The following TRMT44 variants were observed in gnomAD, a reference collection of about 807,000 sequenced individuals.
TRMT44 encodes probable tRNA (uracil-O(2)-)-methyltransferase.
In TRMT44, 78 loss-of-function variants were observed where a neutral mutation model predicts 77.3. That is an observed-to-expected ratio of 1.01 (90% confidence interval 0.84 to 1.22). The LOEUF is 1.22. Ranked by LOEUF, TRMT44 falls within the 50% of genes most tolerant of loss-of-function variation. The pLI is 0.00. For missense variants in TRMT44, 1,090 were observed against 964.4 expected, an observed-to-expected ratio of 1.13 and a Z score of -1.73; for synonymous variants, 391 against 383.3, an observed-to-expected ratio of 1.02 and a Z score of -0.23.
At chr4:8,475,587 C>T (rs1456165117) in intron 10 of TRMT44, among the ~76,000 whole-genome samples, 185 bp from the exon 11 acceptor site, 1 of 152,218 alleles carries the variant, frequency 6.6e-6, no homozygotes, top group East Asian at 1.9e-4. Flanking sequence ...AAGACACATC[C>T]CATACCTCAG....
chr4:8,479,405 C>T (rs1189676825), downstream of TRMT44: 1 of 151,978 alleles, frequency 6.6e-6, no homozygotes, highest in Non-Finnish European at 1.5e-5. Flanking sequence ...GAGTGTGCCC[C>T]GCGCTCATGG....
At chr4:8,514,371 T>C in the TRMT44 span, among the ~76,000 whole-genome samples, 1 of 151,228 alleles carries the variant, frequency 6.6e-6, no homozygotes, top group African/African-American at 2.4e-5. Context: ...AGTGGTGCGA[T>C]CTTGGCTCAC....
At chr4:8,498,185 C>A (rs1728204543), downstream of TRMT44, among the ~76,000 whole-genome samples, 1 of 152,118 alleles carries the variant, frequency 6.6e-6, no homozygotes, top group African/African-American at 2.4e-5. The surrounding 1 kb of genome is among the most constrained non-coding windows in gnomAD (Gnocchi z 4.3). Flanking sequence ...GAACTCCATC[C>A]CCTGACTCCT....
intron 3 of TRMT44, 64 bp downstream of exon 3, chr4:8,449,952 T>TTTTTTTC: frequency 4.5e-6 from 2 of 445,992 alleles, no homozygotes; most frequent in South Asian, 4.5e-5. Context: ...TTCTTTTCTT[T>TTTTTTTC]TTTTTTTTTT....
chr4:8,447,991 A>G (rs1725171801), intron 2 of TRMT44, among the ~76,000 whole-genome samples: 1 of 151,996 alleles, frequency 6.6e-6, no homozygotes, highest in Non-Finnish European at 1.5e-5. Context: ...GCTCTTTGAC[A>G]AGCTACTGAG....
intron 5 of TRMT44, chr4:8,454,295 A>G (rs1053201838): frequency 1.8e-5 from 3 of 167,720 alleles, no homozygotes; most frequent in African/African-American, 7.2e-5. Flanking sequence ...CCATTAGCGC[A>G]GTACACCTTC....
the TRMT44 span, among the ~76,000 whole-genome samples, chr4:8,498,593 T>G: frequency 6.6e-6 from 1 of 152,170 alleles, no homozygotes; most frequent in Non-Finnish European, 1.5e-5. This position sits in a 1 kb window ranked among gnomAD's most constrained non-coding sequence, Gnocchi z 4.3. Flanking sequence ...GGATGATGCC[T>G]CCTGCTGTTT....
intron 2 of TRMT44, among the ~76,000 whole-genome samples, chr4:8,487,968 C>T (rs556633441): frequency 1.7e-4 from 26 of 152,218 alleles, no homozygotes; most frequent in East Asian, 1.4e-3. Context: ...ACGGATAAAA[C>T]GTGTCTCCTT....
At chr4:8,511,179 G>T in the TRMT44 span, among the ~76,000 whole-genome samples, 1 of 152,216 alleles carries the variant, frequency 6.6e-6, no homozygotes, top group Non-Finnish European at 1.5e-5. Flanking sequence ...GCAGATGCCC[G>T]GAGTGCCGTG....
chr4:8,481,472 T>C (rs1727610668), downstream of TRMT44, among the ~76,000 whole-genome samples: 2 of 152,192 alleles, frequency 1.3e-5, no homozygotes, highest in African/African-American at 4.8e-5. Context: ...ACAAATACTT[T>C]ACAGGGATCT....
chr4:8,442,102 G>A (rs1048558968), intron 1 of TRMT44, among the ~76,000 whole-genome samples: 4 of 152,240 alleles, frequency 2.6e-5, no homozygotes, highest in African/African-American at 9.6e-5. Context: ...ATTCAAAGGA[G>A]TGTCTTTCTC....
rs1027326258 is a variant in TRMT44 at position 8,451,993 on chromosome 4, G to C, written c.988G>C (p.Val330Leu). Residue 330 changes from valine to leucine, a missense_variant, in exon 4 of 11, where the codon GTG (valine) becomes CTG (leucine). Val to Leu is a conservative substitution (Grantham distance 32). Coordinates refer to ENST00000389737, the MANE Select transcript of TRMT44 (RefSeq NM_152544.3). This position sits in a 1 kb window ranked among gnomAD's most constrained non-coding sequence, Gnocchi z 4.1. ...WPEVTDPEKF[V>L]YEDVAIAAYL... Reference sequence around the variant, plus strand: ...TGAAGTCACTGATCCTGAGAAGTTCGTGTATGAAGATGTGGCTATCGCAGC... The same window carrying C: ...TGAAGTCACTGATCCTGAGAAGTTCCTGTATGAAGATGTGGCTATCGCAGC... 2 of 1,536,658 alleles carry C rather than the reference G, an allele frequency of 1.3e-6. No homozygotes were observed. Among genetic ancestry groups the C allele is most frequent in the Admixed American group, 2.0e-5 (1 of 50,988 alleles).
At chr4:8,480,362 C>T (rs180683908), downstream of TRMT44, among the ~76,000 whole-genome samples, 1 of 152,280 alleles carries the variant, frequency 6.6e-6, no homozygotes, top group East Asian at 1.9e-4. Flanking sequence ...CTTCTGGGGC[C>T]TTGTGTCCCT....
At position 8,475,963 on chromosome 4, in the gene TRMT44, C is replaced by G. The variant is rs527463713; in HGVS notation, c.2236C>G (p.Arg746Gly). 2 of 1,614,080 alleles carry G rather than the reference C, an allele frequency of 1.2e-6. No individual in the cohort carries two copies. The highest frequency in any genetic ancestry group is 2.2e-5 in the South Asian group (2 of 91,070). ...CPFAHGPAEL[R>G]PPRTTPRKKI... ...GTTTGCCCATGGGCCTGCGGAGCTG[C>G]GGCCACCCCGGACCACCCCGAGGAA... Residue 746 changes from arginine (R) to glycine (G), a missense_variant, in exon 11 of 11, where the codon CGG becomes GGG. Transcript: ENST00000389737.
chr4:8,481,820 A>G (rs988327554), intron 2 of TRMT44, among the ~76,000 whole-genome samples: 3 of 152,232 alleles, frequency 2.0e-5, no homozygotes, highest in Admixed American at 2.0e-4. Flanking sequence ...CACCTAGGGC[A>G]GTCACCGCCT....
At chr4:8,499,593 TTTAGTGTGTCCTGAGGGTC>T in the TRMT44 span, among the ~76,000 whole-genome samples, 1 of 41,572 alleles carries the variant, frequency 2.4e-5, no homozygotes. Context: ...TGAGGGTCGA[TTTAGTGTGTCCTGAGGGTC>T]GATTTAGTGT....
the TRMT44 span, among the ~76,000 whole-genome samples, chr4:8,500,696 G>A: frequency 1.4e-5 from 2 of 148,086 alleles, no homozygotes; most frequent in East Asian, 4.0e-4. Flanking sequence ...TCACTCTGTT[G>A]CCCAGCCTGG....
intron 6 of TRMT44, among the ~76,000 whole-genome samples, chr4:8,460,375 A>G (rs985988930): frequency 6.6e-6 from 1 of 152,116 alleles, no homozygotes; most frequent in Non-Finnish European, 1.5e-5. Flanking sequence ...AAGTAGAGAG[A>G]GGAATGTAGG....
chr4:8,505,101 G>C, the TRMT44 span, among the ~76,000 whole-genome samples: 1 of 152,260 alleles, frequency 6.6e-6, no homozygotes, highest in South Asian at 2.1e-4. Context: ...AGGAAGAGGC[G>C]GTGCTACACT....
Sources: gnomAD v4.1 joint callset for allele counts (sites outside exome capture counted in the v4.1 genomes callset) on GRCh38, gnomAD v4.1.1 for gene constraint, Gnocchi (gnomAD v3.1) non-coding constraint, MANE v1.5 for transcripts, NCBI Gene and HGNC (gene_info 2026-07-23, HGNC 2026-07-21) for gene names.